The following NEB variants were observed in gnomAD, a reference collection of about 807,000 sequenced individuals.
NEB encodes the protein nemaline myopathy type 2.
NEB carries 512 observed loss-of-function variants against 952.2 expected under a neutral mutation model. The ratio of observed to expected loss-of-function variants is 0.54; its 90% CI spans 0.50 to 0.58. The LOEUF is 0.58. Among genes scored for constraint, NEB ranks in the 20% least tolerant of loss-of-function variants. NEB has a pLI of 0.00. For synonymous variants in NEB, 2,900 were observed against 3,149.8 expected (o/e 0.92, Z 2.66); for missense variants, 8,428 against 9,231.1 (o/e 0.91, Z 3.56).
chr2:151,694,712 CT>C (rs1576604762), intron 18 of NEB, 83 bp from the exon 19 acceptor site: 2 of 1,002,564 alleles, frequency 2.0e-6, no homozygotes, highest in East Asian at 2.6e-5. Flanking sequence ...AACTAAATAC[CT>C]TATCTTAATA....
intron 13 of NEB, among the ~76,000 whole-genome samples, chr2:151,706,341 C>A (rs1038644221): frequency 9.2e-5 from 14 of 152,152 alleles, no homozygotes; most frequent in African/African-American, 3.4e-4. Context: ...TATTCAATCT[C>A]TCTCTCTCTC....
intron 124 of NEB, among the ~76,000 whole-genome samples, chr2:151,557,842 T>A (rs2153685457): frequency 6.6e-6 from 1 of 152,282 alleles, no homozygotes; most frequent in East Asian, 1.9e-4. Context: ...AAACTCTCAA[T>A]AAACTAGGTA....
intron 161 of NEB, among the ~76,000 whole-genome samples, chr2:151,510,343 C>T (rs143300394): frequency 3.9e-5 from 6 of 152,280 alleles, no homozygotes; most frequent in African/African-American, 7.2e-5. Context: ...AAGGCCTAGC[C>T]GAAACTTTTG....
rs781706876 is a variant in NEB at position 151,562,739 on chromosome 2, C to T, written c.18763G>A (p.Val6255Met). The T allele has an allele frequency of 2.6e-5, 42 of 1,601,714 alleles. No individual in the cohort carries two copies. In the South Asian group the frequency reaches 3.5e-4, roughly 13 times the overall value. ...VHIPNDMMNH[V>M]LAKRCQYILS... The stretch of plus-strand genomic sequence containing the variant: ...ATGTACTGGCACCTTTTAGCCAGCA[C>T]GTGATTCATCATGTCATTGGGGATA... The change falls in exon 120 of 182, where the codon GTG (valine) becomes ATG (methionine). Residue 6255 changes from valine (V) to methionine (M), a missense_variant. Physicochemically the swap from Val to Met is conservative, Grantham distance 21 (BLOSUM62 1). This residue lies in a region of NEB where 3,374 missense variants were observed against 3,651.5 expected (regional missense o/e 0.92). Transcript: ENST00000397345.
At chr2:151,692,467 A>T in intron 20 of NEB, 105 bp from the exon 21 acceptor site, 1 of 870,426 alleles carries the variant, frequency 1.1e-6, no homozygotes, top group Non-Finnish European at 1.9e-6. Flanking sequence ...GGCAAAATTT[A>T]TGTTTTCTCA....
intron 144 of NEB, 55 bp from the exon 145 acceptor site, chr2:151,531,156 C>G: frequency 1.7e-6 from 2 of 1,183,768 alleles, no homozygotes; most frequent in South Asian, 1.3e-5. Flanking sequence ...TGTATAATAT[C>G]AAAATATAAA....
Position 151,519,673 on chromosome 2 carries a change from A to G in NEB, c.22575T>C (p.Asn7525=), listed in dbSNP as rs1194689398. 5 of 1,609,432 alleles carry G rather than the reference A, an allele frequency of 3.1e-6. No homozygotes were observed. In the South Asian group the frequency reaches 4.4e-5, roughly 14 times the overall value. ...SQLYKVMKDA[N]NLASEVKYKA... Reference sequence around the variant, plus strand: ...AGAAACATACCTCACTTGCAAGATTATTAGCATCTTTCATGACTTTGTAGA... The same window carrying G: ...AGAAACATACCTCACTTGCAAGATTGTTAGCATCTTTCATGACTTTGTAGA... The change falls in exon 154 of 182, where the codon AAT becomes AAC. Residue 7525 remains asparagine, a synonymous_variant. Transcript: ENST00000397345.
At chr2:151,488,241 A>G (rs1020229639) in intron 181 of NEB, among the ~76,000 whole-genome samples, 3 of 152,134 alleles carry the variant, frequency 2.0e-5, no homozygotes, top group African/African-American at 7.2e-5. Flanking sequence ...CCAGTCTGAC[A>G]TGTTTGTATT....
chr2:151,732,717 G>A (rs1008596796), intron 3 of NEB, among the ~76,000 whole-genome samples: 2 of 152,186 alleles, frequency 1.3e-5, no homozygotes, highest in Admixed American at 6.5e-5. Context: ...TTGAAGCAAA[G>A]AATAAGGAGT....
rs2099402287 is a variant in NEB at position 151,679,957 on chromosome 2, CT to C, written c.3107del (p.Gln1036ArgfsTer21). The part of the protein sequence containing the change: ...HKYNLPPDLP[Q>X]FIQAKVNAYN... Reference sequence around the variant, plus strand: ...AGGCATTAACTTTAGCCTGGATGAACTGGGGCAGGTCTGGTGGCAGGTTGTA... The same window carrying C: ...AGGCATTAACTTTAGCCTGGATGAACGGGGCAGGTCTGGTGGCAGGTTGTA... On this transcript the variant is annotated frameshift_variant, in exon 31 of 182. Transcript: ENST00000397345. LOFTEE classifies it high-confidence loss of function. 6.2e-7 allele frequency: 1 copy of C among 1,613,740 alleles called. No homozygotes were observed. Among genetic ancestry groups the C allele is most frequent in the South Asian group, 1.1e-5 (1 of 91,082 alleles).
chr2:151,630,899 G>T, intron 66 of NEB, 80 bp from the exon 67 acceptor site: 2 of 1,307,366 alleles, frequency 1.5e-6, no homozygotes, highest in South Asian at 1.6e-5. Flanking sequence ...TGTTATTACT[G>T]ACCTAATTAG....
intron 176 of NEB, 48 bp downstream of exon 176, chr2:151,493,305 G>A: frequency 7.2e-7 from 1 of 1,391,304 alleles, no homozygotes; most frequent in Non-Finnish European, 1.0e-6. Flanking sequence ...ATGTTAAAAT[G>A]TTATTTTCCA....
At chr2:151,674,985 T>C (rs909114801) in intron 35 of NEB, among the ~76,000 whole-genome samples, 1 of 152,226 alleles carries the variant, frequency 6.6e-6, no homozygotes, top group Admixed American at 6.5e-5. Flanking sequence ...TTTATTCTTA[T>C]GTTTCTGGAG....
At chr2:151,691,402 C>T (rs1021419258) in intron 23 of NEB, among the ~76,000 whole-genome samples, 1 of 152,138 alleles carries the variant, frequency 6.6e-6, no homozygotes, top group African/African-American at 2.4e-5. Flanking sequence ...TATCATCATC[C>T]TGTATTAGTT....
chr2:151,575,425 C>A (rs1453913379), intron 107 of NEB, among the ~76,000 whole-genome samples: 2 of 152,128 alleles, frequency 1.3e-5, no homozygotes, highest in African/African-American at 4.8e-5. Context: ...TCTCTTCATT[C>A]GTCTTTCACC....
At chr2:151,609,101 G>A (rs945370533) in intron 81 of NEB, among the ~76,000 whole-genome samples, 26 of 151,144 alleles carry the variant, frequency 1.7e-4, no homozygotes, top group Admixed American at 1.6e-3. Context: ...AGTTGAAGTC[G>A]TGAGTGCTAA....
intron 42 of NEB, 92 bp from the exon 43 acceptor site, chr2:151,664,955 A>T (rs746498723): frequency 1.6e-4 from 147 of 910,938 alleles, no homozygotes; most frequent in Non-Finnish European, 2.3e-4. Flanking sequence ...CCATGGTAAA[A>T]GAGGTTAAAT....
intron 134 of NEB, 131 bp from the exon 135 acceptor site, chr2:151,546,129 G>T: frequency 2.7e-6 from 2 of 738,008 alleles, no homozygotes; most frequent in South Asian, 1.8e-5. Context: ...GTCTTCCCAG[G>T]CAGGAGCAAA....
At chr2:151,563,181 A>C (rs1056254815) in intron 119 of NEB, among the ~76,000 whole-genome samples, 3 of 151,620 alleles carry the variant, frequency 2.0e-5, no homozygotes, top group Admixed American at 1.3e-4. Context: ...CGCCCAGCTA[A>C]TTTTTGTATT....
Sources: gnomAD v4.1 joint callset for allele counts (sites outside exome capture counted in the v4.1 genomes callset) on GRCh38, gnomAD v4.1.1 for gene constraint, gnomAD v4.1.1 regional missense constraint, MANE v1.5 for transcripts, NCBI Gene and HGNC (gene_info 2026-07-23, HGNC 2026-07-21) for gene names.